The following VWA8 variants were observed in gnomAD, a reference collection of about 807,000 sequenced individuals.
The protein encoded by VWA8 is von Willebrand factor A domain-containing protein 8.
A neutral mutation model predicts 241.5 loss-of-function variants in VWA8; 221 were observed. The observed-to-expected ratio is 0.91, with a 90% confidence interval of 0.82 to 1.02. VWA8 has a LOEUF of 1.02. VWA8 is among the 50% of genes least tolerant of loss of function. The pLI, the probability that VWA8 is intolerant of heterozygous loss-of-function variation, is 0.00. For missense variants in VWA8, 2,322 were observed against 2,328.7 expected, an observed-to-expected ratio of 1.00 and a Z score of 0.06; for synonymous variants, 852 against 827.1, an observed-to-expected ratio of 1.03 and a Z score of -0.52.
intron 21 of VWA8, among the ~76,000 whole-genome samples, chr13:41,738,072 A>G (rs568838434): frequency 6.6e-5 from 10 of 152,312 alleles, no homozygotes; most frequent in African/African-American, 2.2e-4. Context: ...AAAAGTAAGG[A>G]AGACAAAAGA....
chr13:41,681,377 A>G (rs746228540), intron 35 of VWA8, among the ~76,000 whole-genome samples: 3 of 152,182 alleles, frequency 2.0e-5, no homozygotes, highest in Non-Finnish European at 2.9e-5. Context: ...TTTTCTAACA[A>G]ATGTCATGAA....
At chr13:41,913,919 T>C (rs2138116542) in intron 2 of VWA8, among the ~76,000 whole-genome samples, 1 of 152,318 alleles carries the variant, frequency 6.6e-6, no homozygotes, top group South Asian at 2.1e-4. Context: ...GAAGGGGGAC[T>C]TGAAAAAAAT....
chr13:41,732,000 G>C (rs985560309), intron 22 of VWA8, 80 bp downstream of exon 22: 11 of 1,205,504 alleles, frequency 9.1e-6, no homozygotes, highest in Non-Finnish European at 1.2e-5. Context: ...TAATCCATGA[G>C]AGTTCCATCC....
chr13:41,699,047 T>A (rs1183844158), intron 29 of VWA8, 24 bp downstream of exon 29: 5 of 1,613,642 alleles, frequency 3.1e-6, no homozygotes, highest in Non-Finnish European at 4.2e-6. Flanking sequence ...ATTCCTCACA[T>A]AATTGTAGCC....
Position 41,703,315 on chromosome 13 carries a change from A to G in VWA8, c.3213T>C (p.His1071=). Residue 1071 remains histidine (H), a synonymous_variant, in exon 27 of 45, where the codon CAT becomes CAC. Transcript: ENST00000379310. ...QKLLCPVETH[H]IDIKGPALIN... The stretch of plus-strand genomic sequence containing the variant: ...TGATGATATCAACCTTTATGTCTAT[A>G]TGATGAGTTTCCACTGGACACAAGA... 1 of 1,613,768 alleles carries G rather than the reference A, an allele frequency of 6.2e-7. No individual in the cohort carries two copies. Among genetic ancestry groups the G allele is most frequent in the Non-Finnish European group, 8.5e-7 (1 of 1,179,688 alleles).
intron 12 of VWA8, among the ~76,000 whole-genome samples, chr13:41,849,204 G>T (rs1872417882): frequency 6.6e-6 from 1 of 152,120 alleles, no homozygotes; most frequent in Admixed American, 6.6e-5. Flanking sequence ...AAAAACTGGG[G>T]TTTTCTTTAA....
intron 32 of VWA8, among the ~76,000 whole-genome samples, chr13:41,690,494 C>T (rs1198932433): frequency 3.9e-5 from 6 of 152,022 alleles, no homozygotes; most frequent in Non-Finnish European, 1.5e-5. Flanking sequence ...AGGCAAAAAT[C>T]CAATGCTTCC....
At chr13:41,841,499 A>G (rs1169047223) in intron 12 of VWA8, among the ~76,000 whole-genome samples, 3 of 152,028 alleles carry the variant, frequency 2.0e-5, no homozygotes, top group Admixed American at 2.0e-4. Flanking sequence ...AAAAATATAA[A>G]CAGTAGGCCG....
intron 9 of VWA8, among the ~76,000 whole-genome samples, chr13:41,877,272 T>G (rs555679603): frequency 4.6e-5 from 7 of 152,196 alleles, no homozygotes; most frequent in Middle Eastern, 6.8e-3. Context: ...CACCTCATAT[T>G]TCATCAGTTA....
intron 4 of VWA8, among the ~76,000 whole-genome samples, chr13:41,895,999 A>G (rs1197052303): frequency 4.6e-5 from 7 of 152,048 alleles, no homozygotes; most frequent in Non-Finnish European, 8.8e-5. Context: ...ACAAATTGCC[A>G]GGAAAATTCT....
At chr13:41,917,472 G>A (rs1179442298) in intron 2 of VWA8, among the ~76,000 whole-genome samples, 4 of 152,058 alleles carry the variant, frequency 2.6e-5, no homozygotes, top group Admixed American at 1.3e-4. Flanking sequence ...TGCAGAACAC[G>A]CAGATTTGTA....
At chr13:41,855,807 A>G (rs1872724433) in intron 12 of VWA8, among the ~76,000 whole-genome samples, 1 of 152,206 alleles carries the variant, frequency 6.6e-6, no homozygotes, top group East Asian at 1.9e-4. Flanking sequence ...ATACCTCAGT[A>G]AACGTGACTT....
chr13:41,813,805 A>C (rs1327035200), intron 16 of VWA8, among the ~76,000 whole-genome samples: 5 of 152,178 alleles, frequency 3.3e-5, no homozygotes, highest in African/African-American at 1.2e-4. Context: ...TTATCAATTA[A>C]AAATTGAGAG....
intron 21 of VWA8, among the ~76,000 whole-genome samples, chr13:41,747,503 G>C (rs7316951): frequency 4.6e-5 from 7 of 152,170 alleles, no homozygotes; most frequent in African/African-American, 1.7e-4. Flanking sequence ...TTTGGGCTGA[G>C]ACAATGGGGT....
At chr13:41,886,059 G>T in intron 7 of VWA8, 31 bp from the exon 8 acceptor site, 1 of 1,383,676 alleles carries the variant, frequency 7.2e-7, no homozygotes, top group Non-Finnish European at 9.8e-7. Context: ...AATTTTAATA[G>T]TTTTAAAATA....
At chr13:41,648,116 T>C (rs2044843958) in intron 37 of VWA8, among the ~76,000 whole-genome samples, 1 of 152,200 alleles carries the variant, frequency 6.6e-6, no homozygotes, top group Non-Finnish European at 1.5e-5. Context: ...AGGAGAGCTT[T>C]CCTAACACAA....
chr13:41,855,178 G>A (rs1441295869), intron 12 of VWA8, among the ~76,000 whole-genome samples: 1 of 151,806 alleles, frequency 6.6e-6, no homozygotes, highest in South Asian at 2.1e-4. Context: ...TGAGTGGAAA[G>A]CTTAGAAAGC....
chr13:41,582,551 T>C (rs1415104265), intron 42 of VWA8, among the ~76,000 whole-genome samples: 3 of 152,188 alleles, frequency 2.0e-5, no homozygotes, highest in Non-Finnish European at 1.5e-5. Flanking sequence ...AATGACCCCA[T>C]GTGTGATGCC....
At position 41,689,573 on chromosome 13, in the gene VWA8, G is replaced by T. The variant is rs76785584; in HGVS notation, c.3977-65C>A. The T allele has an allele frequency of 9.0e-5, 126 of 1,393,572 alleles. No individual in the cohort carries two copies. The East Asian group carries it at 3.1e-3, about 34-fold the overall frequency. 86.3% of individuals were successfully genotyped at this position (1,393,572 alleles called of 1,614,324 possible). A position where few individuals can be genotyped will look rare whatever the true frequency, so the allele number is the denominator to read the frequency against. On this transcript the variant is annotated intron_variant, in intron 33 of 44. Transcript: ENST00000379310. Reference sequence around the variant, plus strand: ...TGCTCCAGGAATTAATTTTTTGCAAGATTTTATTCTCAACAAGTCAAATGG... The same window carrying T: ...TGCTCCAGGAATTAATTTTTTGCAATATTTTATTCTCAACAAGTCAAATGG...
Sources: gnomAD v4.1 joint callset for allele counts (sites outside exome capture counted in the v4.1 genomes callset) on GRCh38, gnomAD v4.1.1 for gene constraint, MANE v1.5 for transcripts, NCBI Gene and HGNC (gene_info 2026-07-23, HGNC 2026-07-21) for gene names.